Variants in SLC25A12 observed in about 807,000 individuals in gnomAD.
SLC25A12 encodes solute carrier family 25 member 12.
Under a neutral mutation model 83.3 loss-of-function variants are expected in SLC25A12, and 32 were observed. The observed-to-expected ratio is 0.38, with a 90% CI of 0.29 to 0.52. SLC25A12 has a LOEUF of 0.52. Among genes scored for constraint, SLC25A12 ranks in the 20% least tolerant of loss-of-function variants. The pLI is 0.84. For synonymous variants in SLC25A12, 267 were observed against 291.1 expected, an observed-to-expected ratio of 0.92 and a Z score of 0.84; for missense variants, 611 against 835.6, an observed-to-expected ratio of 0.73 and a Z score of 3.31.
chr2:171,878,616 G>A (rs1312342987), intron 2 of SLC25A12, among the ~76,000 whole-genome samples: 1 of 152,092 alleles, frequency 6.6e-6, no homozygotes, highest in Non-Finnish European at 1.5e-5. Context: ...ACCAACATGT[G>A]GCTGTAATAT....
chr2:171,868,011 A>C (rs1685373562), intron 3 of SLC25A12, among the ~76,000 whole-genome samples: 1 of 151,758 alleles, frequency 6.6e-6, no homozygotes, highest in South Asian at 2.1e-4. Flanking sequence ...TGTCTGGCTA[A>C]TTTTTGTATT....
chr2:171,865,843 A>G (rs1004060002), intron 3 of SLC25A12, among the ~76,000 whole-genome samples: 3 of 151,600 alleles, frequency 2.0e-5, no homozygotes, highest in East Asian at 3.9e-4. Context: ...TTATTTTTCC[A>G]AAAAAAAAAT....
chr2:171,817,599 T>TAAAAAAA (rs1684080265), intron 9 of SLC25A12, among the ~76,000 whole-genome samples: 2 of 6,698 alleles, frequency 3.0e-4, no homozygotes, highest in Admixed American at 1.2e-3. Context: ...AGACTCTGCC[T>TAAAAAAA]CAAAAAAAAA....
At chr2:171,812,768 C>A (rs1683973316) in intron 11 of SLC25A12, among the ~76,000 whole-genome samples, 1 of 149,188 alleles carries the variant, frequency 6.7e-6, no homozygotes, top group South Asian at 2.1e-4. Context: ...GGGAAAGAAG[C>A]AAGAATTAGA....
chr2:171,833,871 A>G, intron 8 of SLC25A12, 92 bp downstream of exon 8: 2 of 777,310 alleles, frequency 2.6e-6, no homozygotes, highest in Admixed American at 2.0e-5. Flanking sequence ...CATGGAAAAA[A>G]CTCATGTTAG....
intron 5 of SLC25A12, among the ~76,000 whole-genome samples, chr2:171,837,916 G>A (rs1348890355): frequency 6.6e-6 from 1 of 152,198 alleles, no homozygotes; most frequent in Non-Finnish European, 1.5e-5. Context: ...CTGTAAGACA[G>A]TCCAGAATAT....
chr2:171,799,412 T>C (rs1194535249), intron 13 of SLC25A12, among the ~76,000 whole-genome samples: 1 of 152,242 alleles, frequency 6.6e-6, no homozygotes, highest in Non-Finnish European at 1.5e-5. Context: ...GTGGAAGAGC[T>C]GTTTCCAAAC....
intron 2 of SLC25A12, among the ~76,000 whole-genome samples, chr2:171,876,464 G>A (rs1685572931): frequency 6.8e-6 from 1 of 147,382 alleles, no homozygotes; most frequent in African/African-American, 2.5e-5. Flanking sequence ...AAATATTTTA[G>A]GTATTATGCT....
At chr2:171,816,818 A>T (rs940703075) in intron 9 of SLC25A12, among the ~76,000 whole-genome samples, 1 of 152,238 alleles carries the variant, frequency 6.6e-6, no homozygotes, top group African/African-American at 2.4e-5. Flanking sequence ...CAATGATGAT[A>T]TTTAATCTCA....
rs199774389 is a variant in SLC25A12, at chr2:171,894,241, G to A, written c.-27C>T. 108 of 1,606,704 alleles carry A rather than the reference G, an allele frequency of 6.7e-5. No homozygotes were observed. Among genetic ancestry groups the A allele is most frequent in the Non-Finnish European group, 8.2e-5 (97 of 1,176,696 alleles). On this transcript the variant is annotated 5_prime_UTR_variant, in exon 1 of 18. Coordinates refer to ENST00000422440, the MANE Select transcript of SLC25A12 (RefSeq NM_003705.5). ...CTGTGCTCGGAAGCCGGGGACGAGC[G>A]AGTGAGCGAGCAGGGCCGAGCTGTC...
intron 10 of SLC25A12, among the ~76,000 whole-genome samples, 199 bp downstream of exon 10, chr2:171,814,922 A>C (rs529385879): frequency 2.6e-5 from 4 of 152,220 alleles, no homozygotes; most frequent in Admixed American, 2.0e-4. Flanking sequence ...TCTGTCCTGA[A>C]GACAGACTGG....
intron 4 of SLC25A12, among the ~76,000 whole-genome samples, chr2:171,849,271 CA>C (rs1284591182): frequency 1.6e-4 from 24 of 151,484 alleles, no homozygotes; most frequent in Admixed American, 3.3e-4. Flanking sequence ...TATCATCAAA[CA>C]GCATAAAAAC....
intron 3 of SLC25A12, 140 bp downstream of exon 3, chr2:171,868,541 C>T (rs1228183549): frequency 1.5e-5 from 11 of 757,378 alleles, no homozygotes; most frequent in Admixed American, 3.9e-5. Context: ...CTCAAACTCC[C>T]GACCTCAGGT....
intron 13 of SLC25A12, among the ~76,000 whole-genome samples, chr2:171,808,836 A>C (rs573790987): frequency 4.0e-4 from 61 of 152,124 alleles, no homozygotes; most frequent in African/African-American, 1.4e-3. Flanking sequence ...TCCTACTGCT[A>C]TCTCTCCCCC....
intron 3 of SLC25A12, among the ~76,000 whole-genome samples, chr2:171,867,078 G>C (rs1430338235): frequency 4.1e-5 from 6 of 147,988 alleles, no homozygotes; most frequent in Non-Finnish European, 6.0e-5. Context: ...GACGATGGGC[G>C]GCCGGGCAGA....
At chr2:171,854,850 A>G (rs1685012957) in intron 4 of SLC25A12, among the ~76,000 whole-genome samples, 1 of 152,238 alleles carries the variant, frequency 6.6e-6, no homozygotes, top group Admixed American at 6.5e-5. Flanking sequence ...TTAATGCCAT[A>G]GCTCAGGGAA....
At chr2:171,808,840 C>G (rs1221904716) in intron 13 of SLC25A12, among the ~76,000 whole-genome samples, 1 of 152,022 alleles carries the variant, frequency 6.6e-6, no homozygotes, top group African/African-American at 2.4e-5. Flanking sequence ...ACTGCTATCT[C>G]TCCCCCAACC....
At chr2:171,874,717 ATG>A (rs1685528589) in intron 2 of SLC25A12, among the ~76,000 whole-genome samples, 1 of 152,210 alleles carries the variant, frequency 6.6e-6, no homozygotes, top group Non-Finnish European at 1.5e-5. Context: ...GACTGGAATC[ATG>A]TCCTTTGCAA....
intron 11 of SLC25A12, among the ~76,000 whole-genome samples, chr2:171,810,879 A>G (rs1683934634): frequency 6.6e-6 from 1 of 152,262 alleles, no homozygotes; most frequent in South Asian, 2.1e-4. Flanking sequence ...TCCTATAAGC[A>G]AAAACATATG....
Sources: allele counts gnomAD v4.1 joint callset (sites outside exome capture counted in the v4.1 genomes callset), GRCh38; gene constraint gnomAD v4.1.1; transcripts MANE v1.5; gene names NCBI Gene and HGNC (gene_info 2026-07-23, HGNC 2026-07-21).